SLC35F4: variants seen among roughly 807,000 people sequenced by gnomAD.
The protein encoded by SLC35F4 is chromosome 14 open reading frame 36.
A neutral mutation model predicts 44.2 loss-of-function variants in SLC35F4; 24 were observed. The observed-to-expected ratio is 0.54, with a 90% confidence interval of 0.39 to 0.76. SLC35F4 has a LOEUF of 0.76. Ranked by LOEUF, SLC35F4 falls within the 30% of genes least tolerant of loss-of-function variation. The probability of loss-of-function intolerance (pLI) is 0.00; values close to 1 mark genes in which losing one functional copy is unlikely to be tolerated. For missense variants in SLC35F4, 562 were observed against 586.1 expected (o/e 0.96, Z 0.42); for synonymous variants, 238 against 223.6 (o/e 1.06, Z -0.57).
downstream of SLC35F4, among the ~76,000 whole-genome samples, chr14:57,974,358 C>T (rs1318321672): frequency 1.3e-5 from 2 of 152,142 alleles, no homozygotes; most frequent in African/African-American, 2.4e-5. Flanking sequence ...CTTCAGAAGT[C>T]TCAGAGCAAC....
At chr14:57,594,793 A>G (rs1041307369) in intron 1 of SLC35F4, among the ~76,000 whole-genome samples, 4 of 152,158 alleles carry the variant, frequency 2.6e-5, no homozygotes, top group African/African-American at 9.7e-5. Flanking sequence ...ATTTAATTTC[A>G]TTGTGTCTTC....
intron 1 of SLC35F4, among the ~76,000 whole-genome samples, chr14:57,733,489 CTTTT>C (rs909501272): frequency 6.8e-6 from 1 of 146,174 alleles, no homozygotes; most frequent in Admixed American, 6.8e-5. Context: ...CCAGAAAAAG[CTTTT>C]TTTTTCAGCT....
At chr14:57,849,685 T>C (rs940288491) in intron 1 of SLC35F4, among the ~76,000 whole-genome samples, 1 of 151,990 alleles carries the variant, frequency 6.6e-6, no homozygotes, top group Non-Finnish European at 1.5e-5. Context: ...ATAGAAGAGT[T>C]TAAAAATAAA....
intron 1 of SLC35F4, among the ~76,000 whole-genome samples, chr14:57,626,700 ATT>A (rs2072493013): frequency 1.3e-5 from 2 of 152,284 alleles, no homozygotes; most frequent in Admixed American, 6.5e-5. Flanking sequence ...AGATTCTCTC[ATT>A]CAAAATATCA....
intron 1 of SLC35F4, among the ~76,000 whole-genome samples, chr14:57,906,978 A>G (rs993203639): frequency 6.6e-6 from 1 of 152,226 alleles, no homozygotes; most frequent in African/African-American, 2.4e-5. Context: ...AATAACCAAT[A>G]TTCTTCAGGC....
At chr14:57,759,396 A>G (rs1259921500) in intron 1 of SLC35F4, among the ~76,000 whole-genome samples, 1 of 152,004 alleles carries the variant, frequency 6.6e-6, no homozygotes, top group Non-Finnish European at 1.5e-5. Context: ...CCTGGACAAC[A>G]TGGTGAAACC....
chr14:57,633,560 A>G (rs1335364621), intron 1 of SLC35F4, among the ~76,000 whole-genome samples: 2 of 152,124 alleles, frequency 1.3e-5, no homozygotes, highest in Non-Finnish European at 2.9e-5. Context: ...CACAACTTGT[A>G]CAGAGACTTC....
At position 57,718,316 on chromosome 14, in the gene SLC35F4, C is replaced by T. The variant is rs2075995268; in HGVS notation, c.104-124192G>A. Among the ~76,000 whole-genome samples the T allele has an allele frequency of 1.4e-5, 2 of 141,956 alleles. 1 individual carries two copies. The highest frequency in any genetic ancestry group is 4.7e-4 in the South Asian group (2 of 4,256). The allele number at this position is 141,956 out of a possible 152,430, so 93.1% of individuals were successfully genotyped here. The stretch of plus-strand genomic sequence containing the variant: ...TGCTGCAACAAACATGGGAGTGCAG[C>T]TGTCACTTCAATATACTGATTTCCT... On this transcript the variant is annotated intron_variant, in intron 1 of 7. Transcript: ENST00000556826.
chr14:57,782,695 A>T (rs1004834135), intron 1 of SLC35F4, among the ~76,000 whole-genome samples: 1 of 152,216 alleles, frequency 6.6e-6, no homozygotes, highest in African/African-American at 2.4e-5. Context: ...CACCCTGCGT[A>T]AGCAGTTTGT....
At chr14:57,754,394 C>G (rs1041587911) in intron 1 of SLC35F4, among the ~76,000 whole-genome samples, 3 of 152,102 alleles carry the variant, frequency 2.0e-5, no homozygotes, top group Non-Finnish European at 4.4e-5. Context: ...CTTGAGCCAC[C>G]ACGCCTGGAA....
At chr14:57,925,847 T>C (rs778109097) in intron 1 of SLC35F4, among the ~76,000 whole-genome samples, 18 of 152,180 alleles carry the variant, frequency 1.2e-4, no homozygotes, top group Non-Finnish European at 2.1e-4. Context: ...TGTTCACTCT[T>C]GTCACCACCA....
chr14:57,887,216 G>C (rs1293936125), intron 1 of SLC35F4, among the ~76,000 whole-genome samples: 1 of 152,220 alleles, frequency 6.6e-6, no homozygotes, highest in African/African-American at 2.4e-5. Flanking sequence ...GTAGTGCTAA[G>C]AGAGATGGTT....
At chr14:57,867,420 T>C (rs900343322), upstream of SLC35F4, among the ~76,000 whole-genome samples, 2 of 152,186 alleles carry the variant, frequency 1.3e-5, no homozygotes, top group African/African-American at 4.8e-5. Flanking sequence ...TCTGAGATTA[T>C]TGTGGCTGGA....
intron 1 of SLC35F4, among the ~76,000 whole-genome samples, chr14:57,697,308 C>T (rs2075411784): frequency 6.6e-6 from 1 of 152,028 alleles, no homozygotes; most frequent in Non-Finnish European, 1.5e-5. Flanking sequence ...TTTTAACTAA[C>T]TTATGGTCAA....
intron 1 of SLC35F4, among the ~76,000 whole-genome samples, chr14:57,937,600 GAAAAGAAAAGAAAA>G (rs1566505630): frequency 0.034 from 2,379 of 70,028 alleles, 79 homozygotes; most frequent in East Asian, 0.12. Context: ...GAAAAGAAAA[GAAAAGAAAAGAAAA>G]GAAAAGAAAA....
At chr14:57,722,902 A>G (rs1459706374) in intron 1 of SLC35F4, among the ~76,000 whole-genome samples, 5 of 152,170 alleles carry the variant, frequency 3.3e-5, no homozygotes, top group Non-Finnish European at 7.3e-5. Flanking sequence ...ACCTTGAATG[A>G]AGGGGAAGGC....
intron 1 of SLC35F4, among the ~76,000 whole-genome samples, chr14:57,946,774 C>A (rs1594644743): frequency 6.6e-6 from 1 of 152,050 alleles, no homozygotes; most frequent in Non-Finnish European, 1.5e-5. Context: ...CCACGTTGGC[C>A]ATATTTGGCT....
intron 1 of SLC35F4, among the ~76,000 whole-genome samples, chr14:57,952,286 AC>A (rs1459293468): frequency 6.6e-6 from 1 of 152,196 alleles, no homozygotes; most frequent in African/African-American, 2.4e-5. Flanking sequence ...TCTGAAGGTC[AC>A]CAGCATCAAA....
intron 1 of SLC35F4, among the ~76,000 whole-genome samples, chr14:57,724,651 C>G (rs1435929298): frequency 1.3e-5 from 2 of 152,174 alleles, no homozygotes; most frequent in African/African-American, 2.4e-5. Context: ...ATCCTGCATT[C>G]TCCCCCCCAG....
Sources: gnomAD v4.1 joint callset for allele counts (sites outside exome capture counted in the v4.1 genomes callset) on GRCh38, gnomAD v4.1.1 for gene constraint, MANE v1.5 for transcripts, NCBI Gene and HGNC (gene_info 2026-07-23, HGNC 2026-07-21) for gene names.